DRC1: variants seen among roughly 807,000 people sequenced by gnomAD.
The protein encoded by DRC1 is dynein regulatory complex subunit 1, also known as dynein regulatory complex protein 1.
DRC1 carries 74 observed loss-of-function variants against 98.7 expected under a neutral mutation model. That is an observed-to-expected ratio of 0.75 (90% CI 0.62 to 0.91). DRC1 has a LOEUF of 0.91. Among genes scored for constraint, DRC1 ranks in the 40% least tolerant of loss-of-function variants. The pLI is 0.00. For missense variants in DRC1, 875 were observed against 886.0 expected, an observed-to-expected ratio of 0.99 and a Z score of 0.16; for synonymous variants, 336 against 334.1, an observed-to-expected ratio of 1.01 and a Z score of -0.06.
chr2:26,451,770 C>G (rs1052319035), intron 13 of DRC1, among the ~76,000 whole-genome samples: 4 of 152,080 alleles, frequency 2.6e-5, no homozygotes, highest in African/African-American at 7.2e-5. Flanking sequence ...GGAATAAAAG[C>G]TATATTTGAC....
intron 11 of DRC1, among the ~76,000 whole-genome samples, chr2:26,449,509 G>A (rs890566202): frequency 2.0e-5 from 3 of 152,226 alleles, no homozygotes; most frequent in African/African-American, 7.2e-5. Context: ...AGCTCAGAGC[G>A]GGCACCGCAT....
At chr2:26,406,674 T>C (rs1678438043) in intron 1 of DRC1, among the ~76,000 whole-genome samples, 1 of 152,072 alleles carries the variant, frequency 6.6e-6, no homozygotes, top group African/African-American at 2.4e-5. Flanking sequence ...ATCGAGCCAC[T>C]GTACTCCAGC....
At chr2:26,433,928 GA>G (rs536888123) in intron 7 of DRC1, among the ~76,000 whole-genome samples, 20 of 149,462 alleles carry the variant, frequency 1.3e-4, no homozygotes, top group East Asian at 5.9e-4. Flanking sequence ...GTAACAGAGG[GA>G]AAAAAAAAAT....
At chr2:26,429,064 G>A (rs1663359958) in intron 4 of DRC1, among the ~76,000 whole-genome samples, 1 of 152,202 alleles carries the variant, frequency 6.6e-6, no homozygotes, top group Non-Finnish European at 1.5e-5. Flanking sequence ...AACATTGAGG[G>A]GTTTGGTCCT....
chr2:26,421,355 G>A lies in DRC1; in HGVS notation c.311G>A (p.Arg104Lys). ...VTNIQVAIDI[R>K]EIHRRVEEEE... ...AATATCCAGGTGGCTATAGATATCA[G>A]AGAGATTCACAGGAGAGTCGAAGAA... The change falls in exon 3 of 17, where the codon AGA (arginine) becomes AAA (lysine). Residue 104 changes from arginine to lysine, a missense_variant. By Grantham distance (26) the Arg-to-Lys change is conservative (BLOSUM62 2). Transcript: ENST00000288710. The A allele has an allele frequency of 6.2e-7, 1 of 1,613,656 alleles. No homozygotes were observed. Among genetic ancestry groups the A allele is most frequent in the Admixed American group, 1.7e-5 (1 of 60,008 alleles).
chr2:26,401,963 GCCGCCTA>G lies in DRC1; in HGVS notation c.-26_-20del. On this transcript the variant is annotated 5_prime_UTR_variant, in exon 1 of 17. Coordinates refer to ENST00000288710, the MANE Select transcript of DRC1 (RefSeq NM_145038.5). ...GAGGTCTGGAGGTGGTGCGGAGGGAGCCGCCTAGGGACCAGGGACTCCTGCCATGAAT... is the reference window on the plus strand; with the variant it reads ...GAGGTCTGGAGGTGGTGCGGAGGGAGGGGACCAGGGACTCCTGCCATGAAT... The G allele has an allele frequency of 6.4e-7, 1 of 1,573,562 alleles. No individual in the cohort carries two copies.
intron 4 of DRC1, among the ~76,000 whole-genome samples, chr2:26,428,881 C>T (rs992015572): frequency 6.6e-6 from 1 of 152,138 alleles, no homozygotes; most frequent in Non-Finnish European, 1.5e-5. Flanking sequence ...TGCTATGCAG[C>T]ACATGACCGT....
chr2:26,453,700 C>G, intron 14 of DRC1, 151 bp downstream of exon 14: 1 of 727,290 alleles, frequency 1.4e-6, no homozygotes, highest in South Asian at 1.9e-5. Flanking sequence ...GCTGGGGCAA[C>G]CAATCGCTGG....
chr2:26,449,799 C>G (rs1378974038), intron 11 of DRC1, among the ~76,000 whole-genome samples, 197 bp from the exon 12 acceptor site: 2 of 152,152 alleles, frequency 1.3e-5, no homozygotes, highest in Non-Finnish European at 2.9e-5. Flanking sequence ...TTGCTTGTCT[C>G]TGGCCTTGCT....
intron 3 of DRC1, 103 bp from the exon 4 acceptor site, chr2:26,424,168 G>A: frequency 7.1e-7 from 1 of 1,409,710 alleles, no homozygotes; most frequent in Non-Finnish European, 9.8e-7. Context: ...GCAGTGCCTA[G>A]TACCTGGGTC....
chr2:26,425,288 T>C (rs1448358939), intron 4 of DRC1, among the ~76,000 whole-genome samples: 2 of 152,238 alleles, frequency 1.3e-5, no homozygotes, highest in East Asian at 1.9e-4. Context: ...TTTCATTGCA[T>C]ATATATACCA....
chr2:26,418,464 A>G (rs933262116), intron 2 of DRC1, among the ~76,000 whole-genome samples: 28 of 142,054 alleles, frequency 2.0e-4, no homozygotes, highest in African/African-American at 7.4e-4. Flanking sequence ...TTAAATTGTC[A>G]TAAAGGTATT....
At chr2:26,451,038 T>C (rs1473046215) in intron 13 of DRC1, among the ~76,000 whole-genome samples, 3 of 152,240 alleles carry the variant, frequency 2.0e-5, no homozygotes, top group Admixed American at 2.0e-4. Context: ...TTCATCCATG[T>C]CCCTGCATTT....
chr2:26,450,725 T>A, intron 13 of DRC1, 44 bp downstream of exon 13: 1 of 1,380,580 alleles, frequency 7.2e-7, no homozygotes, highest in South Asian at 1.5e-5. Flanking sequence ...CTTTCTTTCT[T>A]ATTTATTTAT....
At chr2:26,420,466 C>T (rs1231485151) in intron 2 of DRC1, among the ~76,000 whole-genome samples, 1 of 152,132 alleles carries the variant, frequency 6.6e-6, no homozygotes. Flanking sequence ...GAAAGGCTCC[C>T]GGCAGTGTCA....
intron 1 of DRC1, among the ~76,000 whole-genome samples, chr2:26,413,411 C>G (rs1406785700): frequency 6.6e-6 from 1 of 152,172 alleles, no homozygotes; most frequent in Non-Finnish European, 1.5e-5. Context: ...AAGCTTTTGA[C>G]AAATCTTGCC....
intron 3 of DRC1, among the ~76,000 whole-genome samples, chr2:26,424,018 ATG>A (rs59951454): frequency 5.9e-5 from 9 of 151,530 alleles, no homozygotes; most frequent in African/African-American, 1.2e-4. Flanking sequence ...ACGCGTGTGT[ATG>A]TGTGTGTGTG....
chr2:26,440,344 T>TGC (rs1663685321), intron 7 of DRC1, 34 bp from the exon 8 acceptor site: 1 of 1,410,962 alleles, frequency 7.1e-7, no homozygotes, highest in South Asian at 1.3e-5. Flanking sequence ...TGTGTGTGTG[T>TGC]GTATATATAT....
intron 10 of DRC1, 76 bp downstream of exon 10, chr2:26,445,024 G>C (rs918717970): frequency 6.8e-7 from 1 of 1,469,380 alleles, no homozygotes; most frequent in African/African-American, 1.4e-5. Flanking sequence ...AGTCACGTTA[G>C]AGATAGTCTA....
Sources: gnomAD v4.1 joint callset for allele counts (sites outside exome capture counted in the v4.1 genomes callset) on GRCh38, gnomAD v4.1.1 for gene constraint, MANE v1.5 for transcripts, NCBI Gene and HGNC (gene_info 2026-07-23, HGNC 2026-07-21) for gene names.